RTN4IP1: variants seen among roughly 807,000 people sequenced by gnomAD.
RTN4IP1 encodes NAD(P)H oxidoreductase RTN4IP1, mitochondrial.
A neutral mutation model predicts 46.6 loss-of-function variants in RTN4IP1; 32 were observed. That is an observed-to-expected ratio of 0.69 (90% CI 0.52 to 0.92). RTN4IP1 has a LOEUF of 0.92. RTN4IP1 is among the 40% of genes least tolerant of loss of function. The pLI, the probability that RTN4IP1 is intolerant of heterozygous loss-of-function variation, is 0.00. For missense variants in RTN4IP1, 424 were observed against 485.8 expected (o/e 0.87, Z 1.20); for synonymous variants, 167 against 161.8 (o/e 1.03, Z -0.24).
chr6:106,616,325 AG>A (rs1171689286), intron 4 of RTN4IP1, among the ~76,000 whole-genome samples: 2 of 152,242 alleles, frequency 1.3e-5, no homozygotes, highest in Non-Finnish European at 2.9e-5. Context: ...GCTGCAGAAA[AG>A]TAACTACAGA....
rs1582870059 is a variant in RTN4IP1 at position 106,593,285 on chromosome 6, AAAG to A, written c.670-988_670-986del. Among the ~76,000 whole-genome samples the A allele has an allele frequency of 3.9e-5, 6 of 152,330 alleles. No homozygotes were observed. The East Asian group carries it at 1.2e-3, about 29-fold the overall frequency. On this transcript the variant is annotated intron_variant, in intron 5 of 8. Coordinates refer to ENST00000369063, the MANE Select transcript of RTN4IP1 (RefSeq NM_032730.5). Reference sequence around the variant, plus strand: ...CAGATGCCTTATATTTTAAAATAATAAAGAATAACTAGATTTAAATTAAAAGGA... The same window carrying A: ...CAGATGCCTTATATTTTAAAATAATAAATAACTAGATTTAAATTAAAAGGA...
intron 1 of RTN4IP1, among the ~76,000 whole-genome samples, chr6:106,625,168 C>T (rs1056111557): frequency 6.6e-6 from 1 of 151,342 alleles, no homozygotes; most frequent in African/African-American, 2.4e-5. Flanking sequence ...AACCTGTCTG[C>T]CATGTGAGGC....
Position 106,622,286 on chromosome 6 carries a change from T to C in RTN4IP1, c.426+532A>G, listed in dbSNP as rs139140947. ...AATTTGCACATTTAGTAAAGGAATA[T>C]GTGGGAGTTCAGTCAGGGTGGTGGG... On this transcript the variant is annotated intron_variant, in intron 2 of 8. Transcript: ENST00000369063. Among the ~76,000 whole-genome samples, 480 of 152,292 alleles carry C rather than the reference T, an allele frequency of 3.2e-3. 4 individuals are homozygous for C. Among genetic ancestry groups the C allele is most frequent in the African/African-American group, 0.011 (460 of 41,552 alleles).
intron 6 of RTN4IP1, among the ~76,000 whole-genome samples, chr6:106,589,402 A>C (rs1420081804): frequency 2.6e-5 from 4 of 151,704 alleles, no homozygotes; most frequent in Non-Finnish European, 5.9e-5. Flanking sequence ...TGATGACCTT[A>C]ATAGATGACC....
intron 4 of RTN4IP1, 96 bp downstream of exon 4, chr6:106,619,106 T>C (rs1776418048): frequency 7.4e-7 from 1 of 1,355,032 alleles, no homozygotes; most frequent in African/African-American, 1.5e-5. Context: ...TTCGTGTAAA[T>C]GATACTAAAT....
chr6:106,590,714 C>A (rs1394941465), intron 6 of RTN4IP1, among the ~76,000 whole-genome samples: 66 of 68,514 alleles, frequency 9.6e-4, no homozygotes, highest in East Asian at 3.5e-3. Flanking sequence ...GAATCCATCT[C>A]AAAAAAAAAA....
Position 106,607,052 on chromosome 6 carries a change from T to C in RTN4IP1, c.621-4130A>G, listed in dbSNP as rs550458173. The stretch of plus-strand genomic sequence containing the variant: ...AACATGGTACTGGTATAAAAACAGA[T>C]ACATAGACCAATGGAACAGAATAAA... On this transcript the variant is annotated intron_variant, in intron 4 of 8. Transcript: ENST00000369063. Among the ~76,000 whole-genome samples, 3 of 152,112 alleles carry C rather than the reference T, an allele frequency of 2.0e-5. No homozygotes were observed. In the East Asian group the frequency reaches 5.8e-4, roughly 29 times the overall value.
chr6:106,586,497 G>A (rs1775487924), intron 7 of RTN4IP1, among the ~76,000 whole-genome samples: 1 of 151,756 alleles, frequency 6.6e-6, no homozygotes, highest in Admixed American at 6.6e-5. Flanking sequence ...TCAGCCTCCT[G>A]AGCAGCTGAA....
At chr6:106,597,624 T>C (rs1392969519) in intron 5 of RTN4IP1, among the ~76,000 whole-genome samples, 3 of 151,920 alleles carry the variant, frequency 2.0e-5, no homozygotes, top group South Asian at 4.1e-4. Flanking sequence ...GATTACAGGG[T>C]GAGCCACTGT....
rs188022819 is a variant in RTN4IP1, at chr6:106,580,662, T to G, written c.1083+2666A>C. ...TGTACCCGGGAAGTGGAGGTTGCAG[T>G]GAGCTGAGATCACACCACTGCACTC... On this transcript the variant is annotated intron_variant, in intron 8 of 8. Coordinates refer to ENST00000369063, the MANE Select transcript of RTN4IP1 (RefSeq NM_032730.5). Among the ~76,000 whole-genome samples the G allele has an allele frequency of 2.8e-3, 416 of 147,774 alleles. 4 individuals are homozygous for G. The highest frequency in any genetic ancestry group is 9.8e-3 in the African/African-American group (395 of 40,152).
intron 4 of RTN4IP1, among the ~76,000 whole-genome samples, chr6:106,611,265 C>T (rs1271208776): frequency 6.6e-6 from 1 of 152,104 alleles, no homozygotes; most frequent in East Asian, 1.9e-4. Context: ...CAGAAGTGTA[C>T]TCTGGGAGTC....
At chr6:106,580,659 C>CA (rs927762424) in intron 8 of RTN4IP1, among the ~76,000 whole-genome samples, 5 of 148,176 alleles carry the variant, frequency 3.4e-5, no homozygotes, top group African/African-American at 1.2e-4. Flanking sequence ...GTGGAGGTTG[C>CA]AGTGAGCTGA....
intron 8 of RTN4IP1, chr6:106,572,380 C>T (rs1192821448): frequency 5.6e-6 from 2 of 357,886 alleles, no homozygotes; most frequent in African/African-American, 4.2e-5. Flanking sequence ...CGTTCAACAG[C>T]TCCCACTCCG....
upstream of RTN4IP1, among the ~76,000 whole-genome samples, chr6:106,630,320 G>T (rs1287544450): frequency 1.3e-5 from 2 of 152,026 alleles, no homozygotes; most frequent in African/African-American, 4.8e-5. Context: ...ATTGTAACAG[G>T]ACTTACCTCT....
At chr6:106,629,805 C>T, upstream of RTN4IP1, 1 of 1,413,754 alleles carries the variant, frequency 7.1e-7, no homozygotes, top group Non-Finnish European at 9.8e-7. Flanking sequence ...CTTGGCCCAC[C>T]TCGCTGCTTC....
intron 7 of RTN4IP1, 62 bp downstream of exon 7, chr6:106,587,601 AGAAACTGGCTAGGTGG>A (rs1775516987): frequency 1.5e-6 from 2 of 1,360,824 alleles, no homozygotes; most frequent in Non-Finnish European, 1.0e-6. Flanking sequence ...CCAAGAGAAG[AGAAACTGGCTAGGTGG>A]GAAACCAATT....
chr6:106,609,367 C>T (rs1439636575), intron 4 of RTN4IP1, among the ~76,000 whole-genome samples: 1 of 152,132 alleles, frequency 6.6e-6, no homozygotes, highest in Non-Finnish European at 1.5e-5. Context: ...TCAGCCTGGG[C>T]AACATCATGA....
chr6:106,612,255 C>T (rs1219388771), intron 4 of RTN4IP1, among the ~76,000 whole-genome samples: 3 of 151,808 alleles, frequency 2.0e-5, no homozygotes, highest in African/African-American at 4.8e-5. Flanking sequence ...GGCATGGTGG[C>T]GGGCACCTAT....
chr6:106,598,918 G>A (rs1465626748), intron 5 of RTN4IP1, among the ~76,000 whole-genome samples: 2 of 151,964 alleles, frequency 1.3e-5, no homozygotes, highest in East Asian at 3.9e-4. Context: ...CTATTAAGGA[G>A]CATTATGTGT....
Sources: allele counts gnomAD v4.1 joint callset (sites outside exome capture counted in the v4.1 genomes callset), GRCh38; gene constraint gnomAD v4.1.1; transcripts MANE v1.5; gene names NCBI Gene and HGNC (gene_info 2026-07-23, HGNC 2026-07-21).